RIMS1: variants seen among roughly 807,000 people sequenced by gnomAD.
RIMS1 encodes regulating synaptic membrane exocytosis protein 1.
Under a neutral mutation model 214.1 loss-of-function variants are expected in RIMS1, and 83 were observed. That is an observed-to-expected ratio of 0.39 (90% CI 0.32 to 0.47). RIMS1 has a LOEUF of 0.47. Among genes scored for constraint, RIMS1 ranks in the 20% least tolerant of loss-of-function variants. RIMS1 has a pLI of 0.99. For synonymous variants in RIMS1, 793 were observed against 786.8 expected, an observed-to-expected ratio of 1.01 and a Z score of -0.13; for missense variants, 2,050 against 2,161.8, an observed-to-expected ratio of 0.95 and a Z score of 1.03.
In RIMS1 at chr6:71,978,705, G is replaced by C. The variant is rs1379574265; in HGVS notation, c.245+9642G>C. ...GCCATGTTTATAACAAAATTGCATTGAGTCTTAATTTCTTGCTTCGTTAAA... is the reference window on the plus strand; with the variant it reads ...GCCATGTTTATAACAAAATTGCATTCAGTCTTAATTTCTTGCTTCGTTAAA... On this transcript the variant is annotated intron_variant, in intron 2 of 33. Transcript: ENST00000521978. Among the ~76,000 whole-genome samples the C allele has an allele frequency of 2.0e-5, 3 of 151,976 alleles. No individual in the cohort carries two copies. The South Asian group carries it at 6.2e-4, about 32-fold the overall frequency.
intron 1 of RIMS1, among the ~76,000 whole-genome samples, chr6:71,921,248 G>A (rs1779883939): frequency 6.6e-6 from 1 of 152,172 alleles, no homozygotes; most frequent in Non-Finnish European, 1.5e-5. Context: ...AGCCTCCTGA[G>A]TAGCTGGGAT....
At chr6:72,292,773 T>C (rs2093595287) in intron 26 of RIMS1, among the ~76,000 whole-genome samples, 1 of 151,426 alleles carries the variant, frequency 6.6e-6, no homozygotes, top group Admixed American at 6.6e-5. Context: ...TTTTATCACA[T>C]GTTTTTAATC....
chr6:72,026,062 A>T (rs1452375644), intron 2 of RIMS1, among the ~76,000 whole-genome samples: 1 of 152,160 alleles, frequency 6.6e-6, no homozygotes, highest in Non-Finnish European at 1.5e-5. Flanking sequence ...GCATACTGTC[A>T]CTTACTTCAT....
intron 29 of RIMS1, among the ~76,000 whole-genome samples, chr6:72,387,109 CAT>C (rs2098623967): frequency 6.6e-6 from 1 of 152,006 alleles, no homozygotes; most frequent in African/African-American, 2.4e-5. Flanking sequence ...CTCATCCATC[CAT>C]ATATCTCCAG....
intron 26 of RIMS1, among the ~76,000 whole-genome samples, chr6:72,301,507 G>T (rs369275945): frequency 6.6e-6 from 1 of 151,536 alleles, no homozygotes; most frequent in African/African-American, 2.4e-5. Context: ...TGTTTGGGGG[G>T]AAAATGATTG....
rs188825224 is a variant in RIMS1 at position 71,997,023 on chromosome 6, T to C, written c.245+27960T>C. On this transcript the variant is annotated intron_variant, in intron 2 of 33. Transcript: ENST00000521978. Reference sequence around the variant, plus strand: ...TTTCATCAGTGTGGTCTTATTGATATTTTAAATTTATTTTGATAAATCTCT... The same window carrying C: ...TTTCATCAGTGTGGTCTTATTGATACTTTAAATTTATTTTGATAAATCTCT... Among the ~76,000 whole-genome samples, 19 of 152,326 alleles carry C rather than the reference T, an allele frequency of 1.2e-4. No individual in the cohort carries two copies. In the East Asian group the frequency reaches 3.5e-3, roughly 28 times the overall value.
intron 24 of RIMS1, among the ~76,000 whole-genome samples, chr6:72,287,256 G>A (rs960467338): frequency 2.0e-5 from 3 of 152,166 alleles, no homozygotes; most frequent in Admixed American, 6.5e-5. Context: ...TAACGGACCA[G>A]CACAGTAGGA....
At chr6:72,167,806 C>A (rs548491247) in intron 4 of RIMS1, among the ~76,000 whole-genome samples, 1 of 151,732 alleles carries the variant, frequency 6.6e-6, no homozygotes, top group East Asian at 1.9e-4. Context: ...ATTATATTTT[C>A]TGTTATTTTT....
At chr6:72,244,072 G>A (rs1190897378) in intron 10 of RIMS1, among the ~76,000 whole-genome samples, 2 of 150,274 alleles carry the variant, frequency 1.3e-5, no homozygotes, top group Non-Finnish European at 3.0e-5. Context: ...TATAATTAAA[G>A]GAAAAAGAAA....
chr6:72,264,532 A>G (rs985046315), intron 19 of RIMS1, among the ~76,000 whole-genome samples: 1 of 152,040 alleles, frequency 6.6e-6, no homozygotes, highest in Non-Finnish European at 1.5e-5. Context: ...TTGTCCCTGG[A>G]ATGCTAGTCA....
At position 71,918,950 on chromosome 6, in the gene RIMS1, A is replaced by G. The variant is rs1324460824; in HGVS notation, c.164+31763A>G. Among the ~76,000 whole-genome samples, 4 of 152,276 alleles carry G rather than the reference A, an allele frequency of 2.6e-5. 1 individual carries two copies. In the South Asian group the frequency reaches 8.3e-4, roughly 32 times the overall value. ...GAAGGCTGTAGTCAGATAGAAGGAT[A>G]CTAATGCCAAGGAAACGCCTTTCAC... On this transcript the variant is annotated intron_variant, in intron 1 of 33. Coordinates refer to ENST00000521978, the MANE Select transcript of RIMS1 (RefSeq NM_014989.7).
intron 4 of RIMS1, among the ~76,000 whole-genome samples, chr6:72,100,767 G>T (rs569797158): frequency 1.6e-4 from 23 of 143,810 alleles, no homozygotes; most frequent in Non-Finnish European, 2.3e-4. Context: ...AGTATTTCAG[G>T]TTTAATATAT....
chr6:72,365,454 A>T (rs1334778592), intron 29 of RIMS1, among the ~76,000 whole-genome samples: 2 of 152,216 alleles, frequency 1.3e-5, no homozygotes, highest in African/African-American at 2.4e-5. Flanking sequence ...TTGCCATTTC[A>T]ATTTTAATAC....
chr6:72,011,901 C>CGTT (rs1810771247), intron 2 of RIMS1, among the ~76,000 whole-genome samples: 1 of 152,196 alleles, frequency 6.6e-6, no homozygotes, highest in East Asian at 1.9e-4. Flanking sequence ...ACTAGCTCAA[C>CGTT]CATTGTGGAA....
intron 5 of RIMS1, among the ~76,000 whole-genome samples, chr6:72,181,240 G>T (rs1183218073): frequency 6.6e-6 from 1 of 152,166 alleles, no homozygotes; most frequent in African/African-American, 2.4e-5. Flanking sequence ...ATTAAGCTTT[G>T]TAAGATACTC....
At chr6:72,285,950 C>T (rs1314818021) in intron 24 of RIMS1, among the ~76,000 whole-genome samples, 1 of 152,120 alleles carries the variant, frequency 6.6e-6, no homozygotes, top group Non-Finnish European at 1.5e-5. Flanking sequence ...GTAATACCAG[C>T]ACTTTGGGAG....
intron 27 of RIMS1, 112 bp downstream of exon 27, chr6:72,307,482 G>A (rs556799229): frequency 1.5e-6 from 1 of 665,946 alleles, no homozygotes; most frequent in Admixed American, 3.0e-5. Flanking sequence ...ATTTGGGCCG[G>A]GCATGGTAGC....
At chr6:71,970,046 T>C (rs945961535) in intron 2 of RIMS1, among the ~76,000 whole-genome samples, 1 of 152,312 alleles carries the variant, frequency 6.6e-6, no homozygotes, top group African/African-American at 2.4e-5. Context: ...TCATTTAAAA[T>C]TATTTATGTT....
At chr6:71,962,145 G>A (rs1583570425) in intron 1 of RIMS1, among the ~76,000 whole-genome samples, 1 of 152,006 alleles carries the variant, frequency 6.6e-6, no homozygotes, top group South Asian at 2.1e-4. Context: ...GATAAATGGG[G>A]TAGACTTCAA....
Sources: allele counts gnomAD v4.1 joint callset (sites outside exome capture counted in the v4.1 genomes callset), GRCh38; gene constraint gnomAD v4.1.1; transcripts MANE v1.5; gene names NCBI Gene and HGNC (gene_info 2026-07-23, HGNC 2026-07-21).